WLS: variants seen among roughly 807,000 people sequenced by gnomAD.
The protein encoded by WLS is protein wntless homolog.
WLS carries 23 observed loss-of-function variants against 62.8 expected under a neutral mutation model. That is an observed-to-expected ratio of 0.37 (90% confidence interval 0.26 to 0.52). The LOEUF (loss-of-function observed/expected upper bound fraction) is 0.52, where lower values mean the gene tolerates loss of function less well. Among genes scored for constraint, WLS ranks in the 20% least tolerant of loss-of-function variants. The pLI is 0.92. For synonymous variants in WLS, 246 were observed against 244.1 expected, an observed-to-expected ratio of 1.01 and a Z score of -0.07; for missense variants, 615 against 697.3, an observed-to-expected ratio of 0.88 and a Z score of 1.33.
chr1:68,118,210 A>G (rs1364926044), intron 11 of WLS, among the ~76,000 whole-genome samples: 1 of 152,202 alleles, frequency 6.6e-6, no homozygotes, highest in African/African-American at 2.4e-5. Context: ...ACTAAATCAG[A>G]CTCTCAAGAA....
intron 1 of WLS, among the ~76,000 whole-genome samples, chr1:68,201,283 T>C (rs1649002802): frequency 6.6e-6 from 1 of 152,196 alleles, no homozygotes; most frequent in South Asian, 2.1e-4. Context: ...CTTATCTAAG[T>C]TTTGGGTGGC....
chr1:68,162,499 C>A lies in WLS; in HGVS notation c.380-3252G>T, dbSNP rs796150983. On this transcript the variant is annotated intron_variant, in intron 2 of 11. Coordinates refer to ENST00000262348, the MANE Select transcript of WLS (RefSeq NM_024911.7). ...GACGCTGAATCCAAAGGCCTTGGCT[C>A]GAACTGCAACCGCCTACCCCCTGCG... 7 of 1,613,780 alleles carry A rather than the reference C, an allele frequency of 4.3e-6. No homozygotes were observed. The Admixed American group carries it at 5.0e-5, about 12-fold the overall frequency.
intron 1 of WLS, among the ~76,000 whole-genome samples, chr1:68,203,276 G>A (rs932556858): frequency 6.6e-6 from 1 of 152,156 alleles, no homozygotes; most frequent in Non-Finnish European, 1.5e-5. Flanking sequence ...CTGGAACCCA[G>A]GTCTGATTTC....
intron 11 of WLS, among the ~76,000 whole-genome samples, chr1:68,129,064 TC>T (rs1646478733): frequency 6.6e-6 from 1 of 152,094 alleles, no homozygotes; most frequent in South Asian, 2.1e-4. Flanking sequence ...GTGGCTCACA[TC>T]TGTAATCCCG....
chr1:68,100,033 C>G (rs1646056599), intron 11 of WLS, among the ~76,000 whole-genome samples: 1 of 152,218 alleles, frequency 6.6e-6, no homozygotes, highest in South Asian at 2.1e-4. Context: ...GCCAAATAAG[C>G]AGAAAAAGTT....
intron 11 of WLS, among the ~76,000 whole-genome samples, chr1:68,134,123 GAC>G (rs1646571478): frequency 6.6e-6 from 1 of 152,200 alleles, no homozygotes; most frequent in Non-Finnish European, 1.5e-5. Context: ...AGAATGTAAA[GAC>G]ACATGTATCC....
At chr1:68,205,508 A>G (rs922409082) in intron 1 of WLS, among the ~76,000 whole-genome samples, 1 of 152,220 alleles carries the variant, frequency 6.6e-6, no homozygotes, top group Non-Finnish European at 1.5e-5. Flanking sequence ...CAAAGCCAGG[A>G]CTTACAGTTA....
In WLS at chr1:68,195,877, A is replaced by G. The variant is rs545430507; in HGVS notation, c.107-1650T>C. Among the ~76,000 whole-genome samples the G allele has an allele frequency of 2.0e-5, 3 of 152,118 alleles. No homozygotes were observed. The South Asian group carries it at 6.2e-4, about 32-fold the overall frequency. On this transcript the variant is annotated intron_variant, in intron 1 of 11. Transcript: ENST00000262348. The stretch of plus-strand genomic sequence containing the variant: ...GCTATAAGAGATGCAGTGAGGTTCT[A>G]GTTTTATTTCTTAAATATTTAAATT...
intron 3 of WLS, among the ~76,000 whole-genome samples, chr1:68,155,794 C>T (rs1352107672): frequency 6.6e-6 from 1 of 151,346 alleles, no homozygotes; most frequent in East Asian, 1.9e-4. Flanking sequence ...TATTCACTTG[C>T]CAGGAAAAAA....
At chr1:68,229,104 AG>A (rs942222033) in intron 1 of WLS, among the ~76,000 whole-genome samples, 17 of 152,228 alleles carry the variant, frequency 1.1e-4, no homozygotes, top group African/African-American at 4.1e-4. Flanking sequence ...TAGAACCGAA[AG>A]GGACCTTAAA....
chr1:68,137,667 A>G (rs983331748), intron 11 of WLS, 113 bp downstream of exon 11: 9 of 1,259,240 alleles, frequency 7.1e-6, no homozygotes, highest in Non-Finnish European at 8.8e-6. Flanking sequence ...TGTGAGGAGT[A>G]TACTTGGAGG....
chr1:68,173,410 C>CT (rs1647183701), intron 2 of WLS, among the ~76,000 whole-genome samples: 4 of 134,762 alleles, frequency 3.0e-5, no homozygotes, highest in East Asian at 2.3e-4. Flanking sequence ...ACCTGCGTGC[C>CT]CCTCTCTCTC....
chr1:68,173,244 C>T (rs1647181333), intron 2 of WLS, among the ~76,000 whole-genome samples: 1 of 152,238 alleles, frequency 6.6e-6, no homozygotes, highest in Non-Finnish European at 1.5e-5. Context: ...GTGGCAACAG[C>T]ACTTTCCTAT....
chr1:68,146,587 C>T (rs1459404832), intron 8 of WLS, among the ~76,000 whole-genome samples: 2 of 152,124 alleles, frequency 1.3e-5, no homozygotes, highest in African/African-American at 4.8e-5. Context: ...AGAGGAGATA[C>T]GTGGGGGCTC....
chr1:68,216,981 TCTC>T (rs1014548657), intron 1 of WLS, among the ~76,000 whole-genome samples: 23 of 152,256 alleles, frequency 1.5e-4, no homozygotes, highest in African/African-American at 5.3e-4. Context: ...TCTTCTACAG[TCTC>T]CTCATTTTAA....
chr1:68,162,044 G>A (rs1225283076), intron 2 of WLS: 1 of 1,591,948 alleles, frequency 6.3e-7, no homozygotes, highest in Non-Finnish European at 8.6e-7. Flanking sequence ...AAGCTTTCTG[G>A]GATGTGACCT....
intron 2 of WLS, among the ~76,000 whole-genome samples, chr1:68,187,189 C>CAAAAAGAAAAAAAAAAAAAAAAAAAA (rs1648006701): frequency 1.7e-5 from 1 of 57,196 alleles, no homozygotes; most frequent in Non-Finnish European, 3.3e-5. Flanking sequence ...ACTCCATCTC[C>CAAAAAGAAAAAAAAAAAAAAAAAAAA]AAAAAAAAAA....
intron 6 of WLS, among the ~76,000 whole-genome samples, chr1:68,148,915 A>G (rs1646789049): frequency 6.6e-6 from 1 of 152,210 alleles, no homozygotes; most frequent in African/African-American, 2.4e-5. Context: ...ACAGGATGCC[A>G]TGGGAACACA....
chr1:68,194,253 T>C (rs781087996), intron 1 of WLS, 26 bp from the exon 2 acceptor site: 35 of 1,609,322 alleles, frequency 2.2e-5, no homozygotes, highest in Non-Finnish European at 2.8e-5. Context: ...TTGTCTGTTT[T>C]AGAAAAGCCA....
Sources: allele counts gnomAD v4.1 joint callset (sites outside exome capture counted in the v4.1 genomes callset), GRCh38; gene constraint gnomAD v4.1.1; transcripts MANE v1.5; gene names NCBI Gene and HGNC (gene_info 2026-07-23, HGNC 2026-07-21).